ZFHX3: variants seen among roughly 807,000 people sequenced by gnomAD.
ZFHX3 encodes the protein zinc finger homeobox 3, also known as zinc finger homeobox protein 3.
ZFHX3 carries 42 observed loss-of-function variants against 279.1 expected under a neutral mutation model. The observed-to-expected ratio is 0.15, with a 90% CI of 0.12 to 0.19. ZFHX3 has a LOEUF of 0.19. Ranked by LOEUF, ZFHX3 falls within the 10% of genes least tolerant of loss-of-function variation. The pLI is 1.00. For synonymous variants in ZFHX3, 2,293 were observed against 1,957.8 expected (o/e 1.17, Z -4.52); for missense variants, 4,981 against 4,754.0 (o/e 1.05, Z -1.40).
At chr16:73,163,916 T>C (rs1967300280) in intron 5 of ZFHX3, among the ~76,000 whole-genome samples, 1 of 152,234 alleles carries the variant, frequency 6.6e-6, no homozygotes, top group African/African-American at 2.4e-5. Flanking sequence ...ACACTTTCAC[T>C]CTCTTTCTTG....
intron 7 of ZFHX3, among the ~76,000 whole-genome samples, chr16:73,105,087 G>C (rs930978976): frequency 3.3e-5 from 5 of 151,946 alleles, no homozygotes; most frequent in Non-Finnish European, 7.4e-5. Context: ...TATGTCCTTG[G>C]CCACTGCTTT....
In ZFHX3 at chr16:73,256,847, C is replaced by T. The variant is rs544890760; in HGVS notation, c.-1104+200G>A. On this transcript the variant is annotated intron_variant, in intron 5 of 17. Transcript: ENST00000641206. The stretch of plus-strand genomic sequence containing the variant: ...TGGTGAATCTCCTCTCCATCAAGTC[C>T]TGTTGGACATGTACACAAGTAAGTA... Among the ~76,000 whole-genome samples, 19 of 152,184 alleles carry T rather than the reference C, an allele frequency of 1.2e-4. No homozygotes were observed. In the South Asian group the frequency reaches 3.3e-3, roughly 27 times the overall value.
intron 1 of ZFHX3, among the ~76,000 whole-genome samples, chr16:73,820,819 T>C (rs571163602): frequency 6.6e-5 from 10 of 151,960 alleles, no homozygotes; most frequent in African/African-American, 9.6e-5. Context: ...ACCAAAGTTA[T>C]TGAGACTTCA....
chr16:73,377,135 C>T (rs2016737036), intron 3 of ZFHX3, among the ~76,000 whole-genome samples: 1 of 152,078 alleles, frequency 6.6e-6, no homozygotes, highest in African/African-American at 2.4e-5. Context: ...CCATGCCTAG[C>T]TAATTTTTGT....
At chr16:73,161,080 C>T (rs765429442) in intron 5 of ZFHX3, among the ~76,000 whole-genome samples, 2 of 152,300 alleles carry the variant, frequency 1.3e-5, no homozygotes, top group Admixed American at 1.3e-4. Context: ...TCAAGCGATT[C>T]TCCTGCCTCA....
intron 3 of ZFHX3, among the ~76,000 whole-genome samples, chr16:72,917,075 C>CA (rs960552742): frequency 3.9e-4 from 59 of 151,690 alleles, no homozygotes; most frequent in Middle Eastern, 6.8e-3. Context: ...CCCATCGCTA[C>CA]AAAAAAAACA....
intron 1 of ZFHX3, among the ~76,000 whole-genome samples, chr16:73,698,756 G>A (rs1376045667): frequency 1.3e-5 from 2 of 152,110 alleles, no homozygotes; most frequent in African/African-American, 4.8e-5. Flanking sequence ...ACAGATAGAA[G>A]GAGACTAAGG....
chr16:73,723,803 TC>T (rs1307140469), intron 1 of ZFHX3, among the ~76,000 whole-genome samples: 1 of 152,170 alleles, frequency 6.6e-6, no homozygotes, highest in Non-Finnish European at 1.5e-5. Flanking sequence ...TTAAAATTTT[TC>T]CAACTCTAAT....
intron 2 of ZFHX3, among the ~76,000 whole-genome samples, chr16:73,596,854 T>C (rs2052055932): frequency 6.6e-6 from 1 of 152,176 alleles, no homozygotes; most frequent in African/African-American, 2.4e-5. Flanking sequence ...AAATATGTGC[T>C]GTACAAATGA....
At chr16:73,832,155 T>C (rs1961014536) in intron 1 of ZFHX3, among the ~76,000 whole-genome samples, 1 of 151,944 alleles carries the variant, frequency 6.6e-6, no homozygotes, top group African/African-American at 2.4e-5. Flanking sequence ...TGCCTCAGCC[T>C]CCCAAAGTGC....
At chr16:73,603,373 T>C (rs557925153) in intron 2 of ZFHX3, among the ~76,000 whole-genome samples, 2 of 152,096 alleles carry the variant, frequency 1.3e-5, no homozygotes, top group South Asian at 4.2e-4. Context: ...AATTGATAAC[T>C]CTCAGATGTA....
In ZFHX3 at chr16:72,957,863, C is replaced by A. The variant is rs186640909; in HGVS notation, c.2283G>T (p.Gly761=). 2.3e-5 allele frequency: 37 copies of A among 1,613,940 alleles called. No individual in the cohort carries two copies. The highest frequency in any genetic ancestry group is 1.2e-4 in the Admixed American group (7 of 60,002). Residue 761 remains glycine (G), a synonymous_variant, in exon 2 of 10, where the codon GGG becomes GGT. Transcript: ENST00000268489. ...CAGTGTGGCTGAAGACCTGCTCCCC[C>A]CCTCCATTCTGCAGGTTCTGCATGT... ...LNNMQNLQNG[G]GEQVFSHTAG... is the part of the protein sequence containing the mutation.
At chr16:73,092,062 G>A (rs567490917) in intron 8 of ZFHX3, among the ~76,000 whole-genome samples, 30 of 152,230 alleles carry the variant, frequency 2.0e-4, no homozygotes, top group Non-Finnish European at 4.3e-4. Context: ...GTTTGAGCTC[G>A]AAGATTTCTT....
intron 1 of ZFHX3, among the ~76,000 whole-genome samples, chr16:73,738,341 C>T (rs1299914178): frequency 1.3e-5 from 2 of 152,334 alleles, no homozygotes; most frequent in Non-Finnish European, 2.9e-5. Context: ...GAAGAGGACA[C>T]ATCTAAGCAA....
intron 3 of ZFHX3, among the ~76,000 whole-genome samples, chr16:73,369,665 C>A (rs1370655833): frequency 6.6e-6 from 1 of 152,140 alleles, no homozygotes; most frequent in East Asian, 1.9e-4. Flanking sequence ...CACCTGTGAG[C>A]CTGCTAAAAA....
At chr16:73,571,154 C>T (rs1399460151) in intron 2 of ZFHX3, among the ~76,000 whole-genome samples, 1 of 151,970 alleles carries the variant, frequency 6.6e-6, no homozygotes, top group African/African-American at 2.4e-5. Flanking sequence ...TTTAGGCTGA[C>T]ACATTAAAGC....
intron 4 of ZFHX3, among the ~76,000 whole-genome samples, chr16:73,270,908 T>C (rs1835849921): frequency 1.3e-5 from 2 of 152,226 alleles, no homozygotes; most frequent in Admixed American, 6.5e-5. Context: ...CGAAAAGATC[T>C]CTAAACCAAG....
At chr16:73,412,488 G>C (rs2017490772) in intron 3 of ZFHX3, among the ~76,000 whole-genome samples, 1 of 138,132 alleles carries the variant, frequency 7.2e-6, no homozygotes, top group African/African-American at 2.8e-5. Flanking sequence ...CCTCATTCTT[G>C]CTTACAGTAG....
intron 1 of ZFHX3, among the ~76,000 whole-genome samples, chr16:73,682,932 AAG>A (rs1567550649): frequency 5.7e-5 from 1 of 17,646 alleles, no homozygotes; most frequent in African/African-American, 1.5e-4. Flanking sequence ...AAGAGAAAGA[AAG>A]AAAGAAAGAA....
Sources: allele counts gnomAD v4.1 joint callset (sites outside exome capture counted in the v4.1 genomes callset), GRCh38; gene constraint gnomAD v4.1.1; transcripts MANE v1.5; gene names NCBI Gene and HGNC (gene_info 2026-07-23, HGNC 2026-07-21).